Variants in CAST observed in about 807,000 individuals in gnomAD.
CAST encodes MIR583 host.
In CAST, 76 loss-of-function variants were observed where a neutral mutation model predicts 119.6. That is an observed-to-expected ratio of 0.64 (90% CI 0.53 to 0.77). The LOEUF is 0.77. CAST is among the 30% of genes least tolerant of loss of function. The probability of loss-of-function intolerance (pLI) is 0.00; values close to 1 mark genes in which losing one functional copy is unlikely to be tolerated. For missense variants in CAST, 953 were observed against 946.5 expected (o/e 1.01, Z -0.09); for synonymous variants, 319 against 331.6 (o/e 0.96, Z 0.41).
the CAST span, among the ~76,000 whole-genome samples, chr5:96,424,970 AAAG>A: frequency 0.01 from 1,545 of 148,574 alleles, 46 homozygotes; most frequent in African/African-American, 0.037. Context: ...TCAAAAAAAA[AAAG>A]AAAGATAGAA....
intron 1 of CAST, among the ~76,000 whole-genome samples, chr5:96,664,877 G>T: frequency 6.6e-6 from 1 of 152,048 alleles, no homozygotes; most frequent in Admixed American, 6.6e-5. Context: ...GTCATTATTG[G>T]CCTAAGGTTC....
chr5:96,464,012 T>C, the CAST span, among the ~76,000 whole-genome samples: 2 of 152,012 alleles, frequency 1.3e-5, no homozygotes, highest in Admixed American at 1.3e-4. Flanking sequence ...GCAAAGAAGA[T>C]GATTATGATT....
chr5:96,614,189 C>T (rs982294292), intron 1 of CAST, among the ~76,000 whole-genome samples: 2 of 152,198 alleles, frequency 1.3e-5, no homozygotes, highest in African/African-American at 2.4e-5. Flanking sequence ...AAGGTGAGAA[C>T]TCCACCAGAT....
upstream of CAST, among the ~76,000 whole-genome samples, chr5:96,521,175 C>T (rs1745511029): frequency 6.6e-6 from 1 of 152,196 alleles, no homozygotes; most frequent in African/African-American, 2.4e-5. Flanking sequence ...GAACAGTGCT[C>T]AACACCAAAT....
chr5:96,689,698 C>T (rs968729581), intron 2 of CAST, among the ~76,000 whole-genome samples: 2 of 152,054 alleles, frequency 1.3e-5, no homozygotes, highest in Non-Finnish European at 2.9e-5. Context: ...ATAATAGAAC[C>T]CAGAATTGAA....
chr5:96,216,967 CACTTT>C, the CAST span, among the ~76,000 whole-genome samples: 2 of 152,078 alleles, frequency 1.3e-5, no homozygotes, highest in South Asian at 4.1e-4. Context: ...ATTTTATAAG[CACTTT>C]ACATCACACA....
At chr5:96,454,751 C>A in the CAST span, among the ~76,000 whole-genome samples, 1 of 152,208 alleles carries the variant, frequency 6.6e-6, no homozygotes, top group African/African-American at 2.4e-5. Context: ...TTAGGCGGCT[C>A]ATTGATCTCT....
the CAST span, among the ~76,000 whole-genome samples, chr5:96,236,135 A>G: frequency 6.6e-6 from 1 of 151,814 alleles, no homozygotes; most frequent in African/African-American, 2.4e-5. Flanking sequence ...CTCTCTATCT[A>G]TCTATCCATC....
chr5:96,096,676 G>A, the CAST span, among the ~76,000 whole-genome samples: 178 of 152,274 alleles, frequency 1.2e-3, 2 homozygotes, highest in Non-Finnish European at 4.0e-4. Context: ...AAATCCTCTT[G>A]TTTGAAGGCC....
chr5:96,402,914 A>G, the CAST span, among the ~76,000 whole-genome samples: 1 of 152,126 alleles, frequency 6.6e-6, no homozygotes, highest in Admixed American at 6.5e-5. Flanking sequence ...TTGTAAATAG[A>G]ATAGGACATT....
the CAST span, among the ~76,000 whole-genome samples, chr5:96,420,768 A>T: frequency 7.1e-6 from 1 of 141,540 alleles, no homozygotes. Flanking sequence ...AGGAAGGAAG[A>T]GAGGGAGAGA....
chr5:96,750,074 A>G (rs1764664829), intron 19 of CAST, among the ~76,000 whole-genome samples: 1 of 152,174 alleles, frequency 6.6e-6, no homozygotes. Context: ...GCTTATTACT[A>G]CTACCTTCCA....
chr5:96,283,994 G>C, the CAST span, among the ~76,000 whole-genome samples: 1 of 152,242 alleles, frequency 6.6e-6, no homozygotes, highest in Admixed American at 6.5e-5. Flanking sequence ...ATTGGACTGG[G>C]GTAGGGATGG....
the CAST span, among the ~76,000 whole-genome samples, chr5:96,076,283 ACCCC>A: frequency 6.6e-6 from 1 of 152,186 alleles, no homozygotes; most frequent in Non-Finnish European, 1.5e-5. Flanking sequence ...GTTTTTTAGT[ACCCC>A]TACTCTAAAC....
At chr5:96,419,966 G>A in the CAST span, among the ~76,000 whole-genome samples, 2 of 151,888 alleles carry the variant, frequency 1.3e-5, no homozygotes, top group Admixed American at 1.3e-4. Flanking sequence ...TGGATCCTGG[G>A]GCCAGACCCA....
chr5:96,579,962 C>A (rs1746741869), intron 1 of CAST, among the ~76,000 whole-genome samples: 1 of 152,212 alleles, frequency 6.6e-6, no homozygotes, highest in Non-Finnish European at 1.5e-5. Flanking sequence ...ATCTATCCTG[C>A]AAGCAGCTGG....
chr5:96,667,147 A>T (rs1749447132), intron 1 of CAST, among the ~76,000 whole-genome samples: 2 of 152,230 alleles, frequency 1.3e-5, no homozygotes, highest in African/African-American at 4.8e-5. Flanking sequence ...TTATCTCCTC[A>T]GATGGAAAAG....
intron 1 of CAST, among the ~76,000 whole-genome samples, chr5:96,536,750 A>G (rs773127653): frequency 9.2e-5 from 14 of 152,232 alleles, no homozygotes; most frequent in Non-Finnish European, 1.9e-4. Context: ...ATTTGGGATA[A>G]TACCATGAGA....
At chr5:96,108,800 A>G in the CAST span, among the ~76,000 whole-genome samples, 3 of 152,374 alleles carry the variant, frequency 2.0e-5, no homozygotes, top group East Asian at 1.9e-4. Context: ...AGCCTGGGCA[A>G]TGGCAGGCGC....
Sources: gnomAD v4.1 joint callset for allele counts (sites outside exome capture counted in the v4.1 genomes callset) on GRCh38, gnomAD v4.1.1 for gene constraint, MANE v1.5 for transcripts, NCBI Gene and HGNC (gene_info 2026-07-23, HGNC 2026-07-21) for gene names.